GABBR2: variants seen among roughly 807,000 people sequenced by gnomAD.
The protein encoded by GABBR2 is gamma-aminobutyric acid type B receptor subunit 2.
GABBR2 carries 23 observed loss-of-function variants against 105.6 expected under a neutral mutation model. That is an observed-to-expected ratio of 0.22 (90% CI 0.16 to 0.31). The LOEUF is 0.31. GABBR2 is among the 10% of genes least tolerant of loss of function. The pLI is 1.00. For missense variants in GABBR2, 734 were observed against 1,245.5 expected (o/e 0.59, Z 6.18); for synonymous variants, 478 against 499.7 (o/e 0.96, Z 0.58).
At chr9:98,687,982 C>T (rs959781833) in intron 1 of GABBR2, among the ~76,000 whole-genome samples, 28 of 152,194 alleles carry the variant, frequency 1.8e-4, no homozygotes, top group African/African-American at 5.6e-4. Flanking sequence ...AAAGGACACC[C>T]CTTCTCAGCA....
At chr9:98,619,377 A>C (rs1417698651) in intron 1 of GABBR2, among the ~76,000 whole-genome samples, 3 of 152,206 alleles carry the variant, frequency 2.0e-5, no homozygotes, top group Non-Finnish European at 4.4e-5. Flanking sequence ...CATAATAAAA[A>C]CAAGATCATT....
chr9:98,577,982 C>T lies in GABBR2; in HGVS notation c.412G>A (p.Val138Ile), dbSNP rs760685140. 7.4e-6 allele frequency: 12 copies of T among 1,613,842 alleles called. No individual in the cohort carries two copies. The highest frequency in any genetic ancestry group is 1.1e-5 in the South Asian group (1 of 91,050). ...AGGGACTCTGCAATGATGGATGTGA[C>T]GGATGGACAGACGCCTCCAAACACC... Reference protein sequence around the residue: ...LMVFGGVCPSVTSIIAESLQG... With the variant: ...LMVFGGVCPSITSIIAESLQG... Residue 138 changes from valine (V) to isoleucine (I), a missense_variant, in exon 2 of 19, where the codon GTC (valine) becomes ATC (isoleucine). This residue lies in a region of GABBR2 where 370 missense variants were observed against 648.9 expected (regional missense o/e 0.57). Transcript: ENST00000259455.
intron 12 of GABBR2, among the ~76,000 whole-genome samples, chr9:98,370,326 C>T (rs1288265927): frequency 1.3e-5 from 2 of 152,066 alleles, no homozygotes; most frequent in Non-Finnish European, 2.9e-5. Flanking sequence ...AAGAGGACGG[C>T]AGGAGAGAAA....
chr9:98,577,794 G>A, intron 2 of GABBR2, 141 bp downstream of exon 2: 1 of 747,812 alleles, frequency 1.3e-6, no homozygotes, highest in Non-Finnish European at 2.1e-6. Flanking sequence ...GCAGTGAAAG[G>A]CTGTGCTATC....
At chr9:98,390,730 G>T (rs112060939) in intron 9 of GABBR2, among the ~76,000 whole-genome samples, 220 of 152,194 alleles carry the variant, frequency 1.4e-3, no homozygotes, top group African/African-American at 4.9e-3. Flanking sequence ...CAAGAACAGT[G>T]CTGGGGCATC....
chr9:98,636,547 G>A (rs992111901), intron 1 of GABBR2, among the ~76,000 whole-genome samples: 1 of 126,214 alleles, frequency 7.9e-6, no homozygotes, highest in African/African-American at 3.1e-5. Flanking sequence ...AGGCTGGAGT[G>A]CAGTGGCGTG....
In GABBR2 at chr9:98,388,885, G is replaced by A; in HGVS notation, c.1498C>T (p.Leu500Phe). 1 of 1,613,798 alleles carries A rather than the reference G, an allele frequency of 6.2e-7. No homozygotes were observed. ...ILGMIMASAF[L>F]FFNIKNRNQK... Reference sequence around the variant, plus strand: ...TTCCGGTTCTTGATGTTGAAGAAGAGAAAAGCACTGGCCATGATCATCCCG... The same window carrying A: ...TTCCGGTTCTTGATGTTGAAGAAGAAAAAAGCACTGGCCATGATCATCCCG... Residue 500 changes from leucine (L) to phenylalanine (F), a missense_variant, in exon 10 of 19, where the codon CTC becomes TTC. Coordinates refer to ENST00000259455, the MANE Select transcript of GABBR2 (RefSeq NM_005458.8). This position sits in a 1 kb window ranked among gnomAD's most constrained non-coding sequence, Gnocchi z 4.4.
chr9:98,482,558 T>A (rs954002100), intron 4 of GABBR2, among the ~76,000 whole-genome samples: 4 of 152,170 alleles, frequency 2.6e-5, no homozygotes, highest in African/African-American at 9.7e-5. Flanking sequence ...CATCCATCCA[T>A]CCTTTCATCC....
At chr9:98,631,787 A>G (rs947290051) in intron 1 of GABBR2, among the ~76,000 whole-genome samples, 1 of 152,270 alleles carries the variant, frequency 6.6e-6, no homozygotes, top group Admixed American at 6.5e-5. Context: ...CTAATTCAAG[A>G]AAAAGATCTG....
At chr9:98,580,891 GTCC>G (rs553277301) in intron 1 of GABBR2, among the ~76,000 whole-genome samples, 31 of 151,980 alleles carry the variant, frequency 2.0e-4, no homozygotes, top group Non-Finnish European at 4.0e-4. Flanking sequence ...TCCATTCTGT[GTCC>G]TCCTCATTTT....
chr9:98,612,766 G>C (rs947581295), intron 1 of GABBR2, among the ~76,000 whole-genome samples: 4 of 152,188 alleles, frequency 2.6e-5, no homozygotes, highest in African/African-American at 9.7e-5. Context: ...GAGGCTGCAG[G>C]CTTGATGGGC....
chr9:98,404,995 T>C (rs1191971167), intron 8 of GABBR2, among the ~76,000 whole-genome samples: 5 of 152,310 alleles, frequency 3.3e-5, no homozygotes, highest in Admixed American at 2.6e-4. Context: ...AATTGTTTAA[T>C]GTTTTAGGTG....
chr9:98,563,624 G>A (rs918902075), intron 2 of GABBR2, among the ~76,000 whole-genome samples: 1 of 152,192 alleles, frequency 6.6e-6, no homozygotes, highest in African/African-American at 2.4e-5. Context: ...AAGCCAACAT[G>A]TCATGTTAGA....
chr9:98,501,175 T>G lies in GABBR2; in HGVS notation c.631-4661A>C, dbSNP rs1471346893. On this transcript the variant is annotated intron_variant, in intron 3 of 18. Coordinates refer to ENST00000259455, the MANE Select transcript of GABBR2 (RefSeq NM_005458.8). ...CTCCTTTTTTTTTTAATTAATTAATTTTTTTTTGAGACAAAGTCTCACTCT... is the reference window on the plus strand; with the variant it reads ...CTCCTTTTTTTTTTAATTAATTAATGTTTTTTTGAGACAAAGTCTCACTCT... 2.0e-5 allele frequency among the ~76,000 whole-genome samples: 3 copies of G among 147,234 alleles called. No homozygotes were observed. In the Admixed American group the frequency reaches 2.1e-4, roughly 10 times the overall value.
intron 1 of GABBR2, among the ~76,000 whole-genome samples, chr9:98,582,792 A>C (rs1829020113): frequency 6.6e-6 from 1 of 152,094 alleles, no homozygotes; most frequent in African/African-American, 2.4e-5. Flanking sequence ...AAATAGAAAA[A>C]ATTTTCACAC....
rs527808223 is a variant in GABBR2, at chr9:98,422,516, G to C, written c.1237-16375C>G. On this transcript the variant is annotated intron_variant, in intron 7 of 18. Coordinates refer to ENST00000259455, the MANE Select transcript of GABBR2 (RefSeq NM_005458.8). ...TGCACCTGTGTGTGTGTGTGTGTGT[G>C]TGTGTCTGTGTGTGTGTCTGTGTGT... Among the ~76,000 whole-genome samples, 20 of 151,800 alleles carry C rather than the reference G, an allele frequency of 1.3e-4. No individual in the cohort carries two copies. The East Asian group carries it at 3.9e-3, about 30-fold the overall frequency.
intron 4 of GABBR2, among the ~76,000 whole-genome samples, chr9:98,495,142 T>C (rs1395912163): frequency 6.6e-6 from 1 of 152,250 alleles, no homozygotes; most frequent in Non-Finnish European, 1.5e-5. Context: ...CCCTGACTAC[T>C]GTGTCCTCAT....
At chr9:98,580,693 C>T (rs1398219668) in intron 1 of GABBR2, among the ~76,000 whole-genome samples, 1 of 152,170 alleles carries the variant, frequency 6.6e-6, no homozygotes, top group Non-Finnish European at 1.5e-5. Context: ...AAGGCTGAGG[C>T]AGGAGAATCG....
intron 2 of GABBR2, among the ~76,000 whole-genome samples, chr9:98,543,110 T>A (rs1173421321): frequency 6.6e-6 from 1 of 152,130 alleles, no homozygotes; most frequent in African/African-American, 2.4e-5. Context: ...TTCTTTTAAG[T>A]GCCAGTTAAG....
Sources: allele counts gnomAD v4.1 joint callset (sites outside exome capture counted in the v4.1 genomes callset), GRCh38; gene constraint gnomAD v4.1.1; regional missense constraint gnomAD v4.1.1; non-coding constraint Gnocchi (gnomAD v3.1); transcripts MANE v1.5; gene names NCBI Gene and HGNC (gene_info 2026-07-23, HGNC 2026-07-21).